The following ANKRD28 variants were observed in gnomAD, a reference collection of about 807,000 sequenced individuals.
The protein encoded by ANKRD28 is serine/threonine-protein phosphatase 6 regulatory ankyrin repeat subunit A.
Under a neutral mutation model 126.5 loss-of-function variants are expected in ANKRD28, and 44 were observed. The ratio of observed to expected loss-of-function variants is 0.35; its 90% CI spans 0.27 to 0.45. The LOEUF (loss-of-function observed/expected upper bound fraction) is 0.45. Among genes scored for constraint, ANKRD28 ranks in the 20% least tolerant of loss-of-function variants. ANKRD28 has a pLI of 1.00. For synonymous variants in ANKRD28, 442 were observed against 468.5 expected, an observed-to-expected ratio of 0.94 and a Z score of 0.73; for missense variants, 1,110 against 1,316.6, an observed-to-expected ratio of 0.84 and a Z score of 2.43.
At chr3:15,728,573 G>C (rs1415920022) in intron 6 of ANKRD28, among the ~76,000 whole-genome samples, 1 of 152,212 alleles carries the variant, frequency 6.6e-6, no homozygotes, top group Non-Finnish European at 1.5e-5. Flanking sequence ...AGGATTACAG[G>C]TGTGAGCCAC....
At chr3:15,701,389 A>C (rs2070584183) in intron 14 of ANKRD28, among the ~76,000 whole-genome samples, 1 of 152,230 alleles carries the variant, frequency 6.6e-6, no homozygotes, top group Non-Finnish European at 1.5e-5. Context: ...TCATGCCTGT[A>C]ATCCCAGCAC....
rs62240841 is a variant in ANKRD28, at chr3:15,838,728, A to T, written c.27+20649T>A. On this transcript the variant is annotated intron_variant, in intron 1 of 27. Coordinates refer to the ANKRD28 transcript ENST00000399451. This position sits in a 1 kb window ranked among gnomAD's most constrained non-coding sequence, Gnocchi z 4.0. ...ACGCCACTGCACTCCAGCCTGGGCA[A>T]CAAGAACGAAACTCCGTCTCAAAAA... Among the ~76,000 whole-genome samples the T allele has an allele frequency of 0.22, 33,652 of 150,818 alleles. 4,795 individuals are homozygous for T. The highest frequency in any genetic ancestry group is 0.31 in the Non-Finnish European group (20,958 of 67,646).
intron 14 of ANKRD28, among the ~76,000 whole-genome samples, chr3:15,707,695 T>C (rs1030195687): frequency 1.3e-5 from 2 of 152,234 alleles, no homozygotes; most frequent in Admixed American, 6.5e-5. Flanking sequence ...AAGGGACCTT[T>C]ATCTTTCTTC....
At chr3:15,743,384 A>AAAC (rs1553616013) in intron 4 of ANKRD28, among the ~76,000 whole-genome samples, 9,265 of 151,932 alleles carry the variant, frequency 0.061, 383 homozygotes, top group Middle Eastern at 0.12. Flanking sequence ...ACAAAAAAAA[A>AAAC]CAAAACATAT....
At position 15,675,202 on chromosome 3, in the gene ANKRD28, C is replaced by T. The variant is rs892527831; in HGVS notation, c.2965+696G>A. ...ATGAGAATCGCTTGAACCCAGGAGG[C>T]GGAGGTTGCAGTAAGCCGAGATCAT... On this transcript the variant is annotated intron_variant, in intron 27 of 27. Transcript: ENST00000683139. Among the ~76,000 whole-genome samples the T allele has an allele frequency of 2.6e-5, 4 of 152,054 alleles. No individual in the cohort carries two copies. In the South Asian group the frequency reaches 6.2e-4, roughly 24 times the overall value.
upstream of ANKRD28, among the ~76,000 whole-genome samples, chr3:15,799,141 A>C (rs1194098759): frequency 6.6e-6 from 1 of 151,998 alleles, no homozygotes; most frequent in Non-Finnish European, 1.5e-5. Flanking sequence ...CTCTCCACTC[A>C]TCTCCAGATC....
chr3:15,829,939 TAA>T (rs35231161), intron 1 of ANKRD28, among the ~76,000 whole-genome samples: 3 of 140,386 alleles, frequency 2.1e-5, no homozygotes, highest in Admixed American at 7.2e-5. Flanking sequence ...GGTATTCTAT[TAA>T]AAAAAAAAAA....
intron 2 of ANKRD28, among the ~76,000 whole-genome samples, chr3:15,781,145 G>T (rs1297568145): frequency 6.6e-6 from 1 of 151,398 alleles, no homozygotes; most frequent in Non-Finnish European, 1.5e-5. Context: ...ATTTGATAAA[G>T]AATTTATATT....
At chr3:15,794,326 A>AT (rs1370505341) in intron 2 of ANKRD28, among the ~76,000 whole-genome samples, 2 of 86,442 alleles carry the variant, frequency 2.3e-5, no homozygotes, top group East Asian at 1.1e-3. Context: ...GCAGTATTAT[A>AT]TTAAAAAAAA....
At chr3:15,743,578 A>ACACACACACG (rs2057266578) in intron 4 of ANKRD28, among the ~76,000 whole-genome samples, 3 of 151,420 alleles carry the variant, frequency 2.0e-5, no homozygotes, top group African/African-American at 7.3e-5. Flanking sequence ...ACACACACAC[A>ACACACACACG]CACACACACA....
rs761638442 is a variant in ANKRD28 at position 15,670,317 on chromosome 3, A to G, written c.3205T>C (p.Tyr1069His). Residue 1069 changes from tyrosine (Y) to histidine (H), a missense_variant, in exon 28 of 28, where the codon TAC becomes CAC. Physicochemically the swap from Tyr to His is moderately conservative, Grantham distance 83. Coordinates refer to ENST00000683139, the MANE Select transcript of ANKRD28 (RefSeq NM_001349278.2). ...NNIGGEQEYL[Y>H]TDVDELNDSD... ...TCGTTGAGCTCATCCACGTCAGTGT[A>G]TAAGTACTCCTGTTCCCCTCCAATG... 5.6e-6 allele frequency: 9 copies of G among 1,613,998 alleles called. No homozygotes were observed. The highest frequency in any genetic ancestry group is 2.2e-5 in the East Asian group (1 of 44,890).
Position 15,679,314 on chromosome 3 carries a change from C to T in ANKRD28, c.2548G>A (p.Asp850Asn), listed in dbSNP as rs1302708063. 27 of 1,613,794 alleles carry T rather than the reference C, an allele frequency of 1.7e-5. No individual in the cohort carries two copies. The highest frequency in any genetic ancestry group is 2.3e-5 in the Non-Finnish European group (27 of 1,179,830). Residue 850 changes from aspartate (D) to asparagine (N), a missense_variant, in exon 23 of 28, where the codon GAT (aspartate) becomes AAT (asparagine). Transcript: ENST00000683139. ...TLGASIVNAT[D>N]SKGRTPLHAA... ...TTGAATTCCTACCTTCCTTTTGAAT[C>T]TGTGGCGTTCACAATGCTGGCACCT...
chr3:15,785,155 C>A (rs2059714919), intron 2 of ANKRD28, among the ~76,000 whole-genome samples: 1 of 152,082 alleles, frequency 6.6e-6, no homozygotes, highest in Non-Finnish European at 1.5e-5. Flanking sequence ...TCCAGATGAT[C>A]TTGGGTTTGG....
chr3:15,707,155 T>C lies in ANKRD28; in HGVS notation c.1547+769A>G, dbSNP rs139066009. On this transcript the variant is annotated intron_variant, in intron 14 of 27. Coordinates refer to ENST00000683139, the MANE Select transcript of ANKRD28 (RefSeq NM_001349278.2). ...ATCTTTCCCCAGAAACCATTACTTA[T>C]TTCTGCCAATGGTATTTTTACTTTT... Among the ~76,000 whole-genome samples, 620 of 152,342 alleles carry C rather than the reference T, an allele frequency of 4.1e-3. 2 individuals are homozygous for C. The highest frequency in any genetic ancestry group is 0.023 in the East Asian group (118 of 5,190).
At position 15,796,886 on chromosome 3, in the gene ANKRD28, ACAAT is replaced by A. The variant is rs748036861; in HGVS notation, c.-369_-366del. ...TATCTCTGAAATTTACTTGCACAAA[ACAAT>A]CATTGTTTTTGGTGACACAACACCA... On this transcript the variant is annotated 5_prime_UTR_variant, in exon 1 of 28. An upstream open reading frame in the 5' UTR loses its in-frame stop. Transcript: ENST00000683139. 3 of 987,754 alleles carry A rather than the reference ACAAT, an allele frequency of 3.0e-6. No homozygotes were observed. Among genetic ancestry groups the A allele is most frequent in the Non-Finnish European group, 3.6e-6 (3 of 831,394 alleles). The allele number at this position is 987,754 out of a possible 1,614,324, so 61.2% of individuals were successfully genotyped here.
At chr3:15,791,828 G>C (rs2060040987) in intron 2 of ANKRD28, among the ~76,000 whole-genome samples, 1 of 152,084 alleles carries the variant, frequency 6.6e-6, no homozygotes, top group African/African-American at 2.4e-5. Flanking sequence ...CAGAACGAGA[G>C]AAAACATTTG....
chr3:15,789,866 C>G (rs949789275), intron 2 of ANKRD28, among the ~76,000 whole-genome samples: 3 of 151,822 alleles, frequency 2.0e-5, no homozygotes, highest in African/African-American at 7.2e-5. Context: ...ATTGACAAAT[C>G]TTTAGCCAGA....
intron 21 of ANKRD28, chr3:15,683,706 A>G (rs1034128575): frequency 6.6e-6 from 1 of 152,212 alleles, no homozygotes; most frequent in African/African-American, 2.4e-5. Flanking sequence ...TGGCATAAGG[A>G]CTAATATGAA....
chr3:15,848,209 C>T (rs1284932506), intron 1 of ANKRD28, among the ~76,000 whole-genome samples: 1 of 152,162 alleles, frequency 6.6e-6, no homozygotes. Flanking sequence ...AAAACCAGAA[C>T]CACAAATTTG....
Sources: allele counts gnomAD v4.1 joint callset (sites outside exome capture counted in the v4.1 genomes callset), GRCh38; gene constraint gnomAD v4.1.1; non-coding constraint Gnocchi (gnomAD v3.1); transcripts MANE v1.5; gene names NCBI Gene and HGNC (gene_info 2026-07-23, HGNC 2026-07-21).